Variants in SNAP91 observed in about 807,000 individuals in gnomAD.
The protein encoded by SNAP91 is clathrin coat assembly protein AP180.
SNAP91 carries 27 observed loss-of-function variants against 100.3 expected under a neutral mutation model. The ratio of observed to expected loss-of-function variants is 0.27; its 90% CI spans 0.20 to 0.37. SNAP91 has a LOEUF of 0.37. SNAP91 is among the 10% of genes least tolerant of loss of function. The probability of loss-of-function intolerance (pLI) is 1.00; values close to 1 mark genes in which losing one functional copy is unlikely to be tolerated. For synonymous variants in SNAP91, 404 were observed against 398.6 expected, an observed-to-expected ratio of 1.01 and a Z score of -0.16; for missense variants, 986 against 1,123.7, an observed-to-expected ratio of 0.88 and a Z score of 1.75.
chr6:83,579,668 C>A (rs1041301411), intron 24 of SNAP91, among the ~76,000 whole-genome samples: 1 of 152,192 alleles, frequency 6.6e-6, no homozygotes, highest in Non-Finnish European at 1.5e-5. Context: ...CCACTCAGCT[C>A]TAGCCACTCA....
At chr6:83,702,191 T>G (rs1216916963) in intron 2 of SNAP91, among the ~76,000 whole-genome samples, 1 of 152,230 alleles carries the variant, frequency 6.6e-6, no homozygotes, top group Non-Finnish European at 1.5e-5. Context: ...ATTATTTAAA[T>G]GCACTATGAT....
intron 3 of SNAP91, 70 bp from the exon 4 acceptor site, chr6:83,662,492 G>C: frequency 1.8e-6 from 1 of 571,102 alleles, no homozygotes; most frequent in Non-Finnish European, 2.8e-6. Flanking sequence ...TGACACTAAA[G>C]CGATTTTTTT....
chr6:83,638,744 T>C (rs1365781043), intron 8 of SNAP91, among the ~76,000 whole-genome samples: 1 of 152,208 alleles, frequency 6.6e-6, no homozygotes, highest in African/African-American at 2.4e-5. Context: ...AACATTGCTA[T>C]TTTTATTGCT....
In SNAP91 at chr6:83,633,108, T is replaced by C. The variant is rs554365317; in HGVS notation, c.765+7988A>G. ...ATGTAGTACTCTCCCCCTTTTCCTA[T>C]GGATGTGGCTTCCTGTGAGCCAAGC... On this transcript the variant is annotated intron_variant, in intron 8 of 29. Transcript: ENST00000369694. 4.6e-5 allele frequency among the ~76,000 whole-genome samples: 7 copies of C among 152,320 alleles called. No individual in the cohort carries two copies. In the South Asian group the frequency reaches 1.2e-3, roughly 27 times the overall value.
At chr6:83,603,069 T>C (rs2095375771) in intron 14 of SNAP91, among the ~76,000 whole-genome samples, 1 of 152,210 alleles carries the variant, frequency 6.6e-6, no homozygotes, top group South Asian at 2.1e-4. Context: ...GATAGTACCT[T>C]TCTTGGGTAA....
At chr6:83,648,835 T>C (rs1272054207) in intron 7 of SNAP91, among the ~76,000 whole-genome samples, 2 of 152,214 alleles carry the variant, frequency 1.3e-5, no homozygotes, top group Non-Finnish European at 2.9e-5. Context: ...TTTTATTTGT[T>C]CTTGATAGGC....
At position 83,593,715 on chromosome 6, in the gene SNAP91, C is replaced by T. The variant is rs1223395567; in HGVS notation, c.1459G>A (p.Ala487Thr). Residue 487 changes from alanine (A) to threonine (T), a missense_variant, in exon 18 of 30, where the codon GCA (alanine) becomes ACA (threonine). Around this residue, in one of 4 missense-constraint regions of SNAP91, gnomAD observed 575 missense variants for 579.9 expected, o/e 0.99. Transcript: ENST00000369694. ...AGGTCCAGCTCAGGTGCAGCCTCTG[C>T]ACTACCTTCAGACGGGGCAAAGGGG... ...NDPFAPSEGS[A>T]EAAPELDLFA... is the part of the protein sequence containing the mutation. 6.3e-7 allele frequency: 1 copy of T among 1,597,582 alleles called. No individual in the cohort carries two copies.
At chr6:83,610,559 A>C in intron 12 of SNAP91, 91 bp downstream of exon 12, 1 of 447,648 alleles carries the variant, frequency 2.2e-6, no homozygotes, top group Admixed American at 4.0e-5. Flanking sequence ...AACAATGTTA[A>C]GGTATATAAT....
intron 11 of SNAP91, among the ~76,000 whole-genome samples, chr6:83,612,385 C>T (rs532690364): frequency 6.6e-5 from 10 of 151,868 alleles, no homozygotes; most frequent in Admixed American, 2.6e-4. Flanking sequence ...TTTCCCTTTA[C>T]GTATGGAAAA....
At chr6:83,663,339 G>A (rs60730) in intron 3 of SNAP91, among the ~76,000 whole-genome samples, 63,287 of 152,036 alleles carry the variant, frequency 0.42, 13,345 homozygotes, top group South Asian at 0.5. Context: ...CATGTCGAAA[G>A]CTGAGAAAGG....
chr6:83,593,444 C>T (rs976815220), intron 18 of SNAP91, 34 bp downstream of exon 18: 39 of 1,545,238 alleles, frequency 2.5e-5, no homozygotes, highest in Non-Finnish European at 3.0e-5. Context: ...ATCCACTAGA[C>T]GGAAAGAGGT....
chr6:83,624,461 CA>C (rs1452872016), intron 8 of SNAP91, among the ~76,000 whole-genome samples: 1 of 152,070 alleles, frequency 6.6e-6, no homozygotes, highest in African/African-American at 2.4e-5. Context: ...ACACATGAAG[CA>C]AAAGTGCTGG....
At chr6:83,599,519 T>C (rs1003521851) in intron 16 of SNAP91, among the ~76,000 whole-genome samples, 14 of 152,188 alleles carry the variant, frequency 9.2e-5, no homozygotes, top group Admixed American at 6.5e-4. Flanking sequence ...ATTATTATTA[T>C]GGAACTTTCA....
intron 7 of SNAP91, among the ~76,000 whole-genome samples, chr6:83,655,607 C>T (rs993874373): frequency 1.3e-5 from 2 of 152,156 alleles, no homozygotes; most frequent in African/African-American, 4.8e-5. Context: ...CTACCTTTTA[C>T]TTTTAGAGAC....
At chr6:83,568,444 T>C (rs565019405) in intron 26 of SNAP91, among the ~76,000 whole-genome samples, 3 of 151,174 alleles carry the variant, frequency 2.0e-5, no homozygotes, top group African/African-American at 7.3e-5. Context: ...TGTATACATA[T>C]GTAAGAAACC....
intron 26 of SNAP91, among the ~76,000 whole-genome samples, chr6:83,561,867 G>C (rs1788374806): frequency 6.6e-6 from 1 of 152,062 alleles, no homozygotes; most frequent in South Asian, 2.1e-4. Context: ...ATATTTTTTA[G>C]AAGTTAGCTG....
At chr6:83,623,167 A>T in intron 9 of SNAP91, 134 bp downstream of exon 9, 1 of 622,026 alleles carries the variant, frequency 1.6e-6, no homozygotes, top group South Asian at 2.3e-5. Context: ...TAAATAAGGT[A>T]GAATAATTTC....
chr6:83,563,265 T>C (rs1023015945), intron 26 of SNAP91, among the ~76,000 whole-genome samples: 2 of 152,040 alleles, frequency 1.3e-5, no homozygotes, highest in African/African-American at 4.8e-5. Flanking sequence ...CAAAAATGAA[T>C]AAGGGAAAAT....
intron 11 of SNAP91, among the ~76,000 whole-genome samples, chr6:83,611,858 G>A (rs12205766): frequency 0.062 from 8,433 of 135,962 alleles, 258 homozygotes; most frequent in Middle Eastern, 0.092. Context: ...CACCACGCCC[G>A]GCTAATTTTT....
Sources: gnomAD v4.1 joint callset for allele counts (sites outside exome capture counted in the v4.1 genomes callset) on GRCh38, gnomAD v4.1.1 for gene constraint, gnomAD v4.1.1 regional missense constraint, MANE v1.5 for transcripts, NCBI Gene and HGNC (gene_info 2026-07-23, HGNC 2026-07-21) for gene names.